Variants in GRIP1 observed in about 807,000 individuals in gnomAD.
The protein encoded by GRIP1 is glutamate receptor interacting protein 1.
In GRIP1, 45 loss-of-function variants were observed where a neutral mutation model predicts 129.9. That is an observed-to-expected ratio of 0.35 (90% CI 0.27 to 0.44). The LOEUF (loss-of-function observed/expected upper bound fraction) is 0.44. Among genes scored for constraint, GRIP1 ranks in the 20% least tolerant of loss-of-function variants. GRIP1 has a pLI of 1.00. For missense variants in GRIP1, 1,196 were observed against 1,396.8 expected, an observed-to-expected ratio of 0.86 and a Z score of 2.29; for synonymous variants, 530 against 520.8, an observed-to-expected ratio of 1.02 and a Z score of -0.24.
At chr12:67,013,694 T>C (rs1374898008) in intron 1 of GRIP1, among the ~76,000 whole-genome samples, 1 of 152,158 alleles carries the variant, frequency 6.6e-6, no homozygotes, top group Non-Finnish European at 1.5e-5. Flanking sequence ...AGAAGGGATG[T>C]ATATTAGAGA....
At chr12:66,555,326 G>C (rs1164437682) in intron 2 of GRIP1, among the ~76,000 whole-genome samples, 1 of 152,084 alleles carries the variant, frequency 6.6e-6, no homozygotes, top group Admixed American at 6.6e-5. Flanking sequence ...GAGTCTATAA[G>C]AGCCATAGCA....
intron 1 of GRIP1, among the ~76,000 whole-genome samples, chr12:67,026,784 C>A (rs139804686): frequency 2.0e-5 from 3 of 152,202 alleles, no homozygotes; most frequent in Admixed American, 6.5e-5. Flanking sequence ...AAATGGTGAC[C>A]CCTTTCTTTT....
chr12:66,997,512 A>T (rs2135669640), intron 1 of GRIP1, among the ~76,000 whole-genome samples: 1 of 152,310 alleles, frequency 6.6e-6, no homozygotes, highest in Middle Eastern at 3.4e-3. Flanking sequence ...GACAATATAA[A>T]ACAGACTTTA....
At chr12:66,662,291 G>T (rs2033557140) in intron 1 of GRIP1, among the ~76,000 whole-genome samples, 1 of 152,008 alleles carries the variant, frequency 6.6e-6, no homozygotes, top group Non-Finnish European at 1.5e-5. Context: ...CAAAAATTCT[G>T]CTTCTTTCCT....
At chr12:66,586,706 C>T (rs143098112) in intron 2 of GRIP1, among the ~76,000 whole-genome samples, 1 of 152,082 alleles carries the variant, frequency 6.6e-6, no homozygotes, top group African/African-American at 2.4e-5. Flanking sequence ...TTCTCTTTTC[C>T]TCTCTCAGCC....
At chr12:66,538,907 ATTG>A (rs1465426841) in intron 4 of GRIP1, among the ~76,000 whole-genome samples, 168 bp downstream of exon 4, 1 of 152,112 alleles carries the variant, frequency 6.6e-6, no homozygotes, top group Non-Finnish European at 1.5e-5. Flanking sequence ...CCAGCCAGTT[ATTG>A]TTGTCAATGT....
rs1229200535 is a variant in GRIP1, at chr12:67,024,677, C to T, written c.58+44373G>A. ...AAGTATTACGACCGTGATCATTTCA[C>T]GTGTGGAATTCTAAACTCTCTTAGA... On this transcript the variant is annotated intron_variant, in intron 1 of 1. Transcript: ENST00000643019. 2.6e-5 allele frequency among the ~76,000 whole-genome samples: 4 copies of T among 152,100 alleles called. No individual in the cohort carries two copies. The South Asian group carries it at 6.2e-4, about 24-fold the overall frequency.
chr12:66,610,504 G>C (rs1313685927), intron 1 of GRIP1, among the ~76,000 whole-genome samples: 2 of 152,100 alleles, frequency 1.3e-5, no homozygotes, highest in Non-Finnish European at 2.9e-5. Context: ...AGAATGACCA[G>C]GAACTTAGAG....
chr12:66,681,980 T>C (rs2034601677), upstream of GRIP1, among the ~76,000 whole-genome samples: 1 of 152,200 alleles, frequency 6.6e-6, no homozygotes, highest in Non-Finnish European at 1.5e-5. Flanking sequence ...TATAGGTTTT[T>C]GATGCAGAAA....
intron 23 of GRIP1, among the ~76,000 whole-genome samples, chr12:66,356,752 T>C (rs1326044141): frequency 2.0e-5 from 3 of 152,204 alleles, no homozygotes; most frequent in Non-Finnish European, 4.4e-5. Flanking sequence ...ATATGATCAC[T>C]TTCTTTCATA....
chr12:66,866,769 A>T (rs536611097), intron 1 of GRIP1, among the ~76,000 whole-genome samples: 1 of 152,160 alleles, frequency 6.6e-6, no homozygotes, highest in Non-Finnish European at 1.5e-5. Context: ...AAAATTTAAA[A>T]ATATATATAC....
intron 1 of GRIP1, among the ~76,000 whole-genome samples, chr12:66,615,400 G>A (rs1404326722): frequency 6.6e-6 from 1 of 152,134 alleles, no homozygotes; most frequent in Non-Finnish European, 1.5e-5. Context: ...GCAAGAGAGA[G>A]GTGGAGTCAG....
intron 1 of GRIP1, among the ~76,000 whole-genome samples, chr12:66,662,083 C>T (rs1168608876): frequency 1.3e-5 from 2 of 152,078 alleles, no homozygotes. Flanking sequence ...TGTGTACCAA[C>T]CTTGGAAGAA....
intron 23 of GRIP1, among the ~76,000 whole-genome samples, chr12:66,367,164 T>C (rs1166185238): frequency 6.6e-6 from 1 of 152,182 alleles, no homozygotes; most frequent in Admixed American, 6.5e-5. Flanking sequence ...CAATGAACGG[T>C]AGCTGAGATC....
rs1427772969 is a variant in GRIP1 at position 66,506,648 on chromosome 12, T to C, written c.724+8971A>G. On this transcript the variant is annotated intron_variant, in intron 7 of 24. Coordinates refer to ENST00000359742, the MANE Select transcript of GRIP1 (RefSeq NM_001366722.1). ...ATAAGTTGTACAACTAAGATTTCAG[T>C]GCTTTTCTCTTTGCGTGTTGTACTA... Among the ~76,000 whole-genome samples the C allele has an allele frequency of 2.0e-5, 3 of 152,210 alleles. No individual in the cohort carries two copies. In the East Asian group the frequency reaches 5.8e-4, roughly 29 times the overall value.
intron 1 of GRIP1, among the ~76,000 whole-genome samples, chr12:67,030,814 T>C (rs1347412559): frequency 6.6e-6 from 1 of 152,118 alleles, no homozygotes; most frequent in Non-Finnish European, 1.5e-5. Context: ...GTACTTAGGG[T>C]GGCAGCTCTT....
intron 1 of GRIP1, among the ~76,000 whole-genome samples, chr12:66,953,956 C>T (rs573287826): frequency 2.6e-4 from 39 of 152,112 alleles, no homozygotes; most frequent in East Asian, 7.7e-4. Context: ...CAGTGCTTTC[C>T]GACCCCCCAA....
chr12:66,689,337 C>T (rs1297461659), intron 1 of GRIP1, among the ~76,000 whole-genome samples: 2 of 152,178 alleles, frequency 1.3e-5, no homozygotes, highest in East Asian at 1.9e-4. Flanking sequence ...CCAGGAAAAG[C>T]AGGCGGAAGG....
At chr12:66,570,802 A>C (rs1261863502) in intron 2 of GRIP1, among the ~76,000 whole-genome samples, 2 of 152,104 alleles carry the variant, frequency 1.3e-5, no homozygotes, top group East Asian at 3.9e-4. Context: ...AAATTGTATA[A>C]ACTTGAGGCG....
Sources: allele counts gnomAD v4.1 joint callset (sites outside exome capture counted in the v4.1 genomes callset), GRCh38; gene constraint gnomAD v4.1.1; transcripts MANE v1.5; gene names NCBI Gene and HGNC (gene_info 2026-07-23, HGNC 2026-07-21).